GRIK2: variants seen among roughly 807,000 people sequenced by gnomAD.
The protein encoded by GRIK2 is glutamate receptor ionotropic, kainate 2.
A neutral mutation model predicts 100.3 loss-of-function variants in GRIK2; 32 were observed. That is an observed-to-expected ratio of 0.32 (90% CI 0.24 to 0.43). The LOEUF is 0.43. GRIK2 is among the 20% of genes least tolerant of loss of function. The pLI is 1.00. For synonymous variants in GRIK2, 417 were observed against 389.4 expected (o/e 1.07, Z -0.83); for missense variants, 843 against 1,114.9 (o/e 0.76, Z 3.47).
intron 7 of GRIK2, among the ~76,000 whole-genome samples, chr6:101,790,345 G>C (rs1779753132): frequency 6.6e-6 from 1 of 152,092 alleles, no homozygotes; most frequent in Non-Finnish European, 1.5e-5. Context: ...CTGTGGGTTT[G>C]TCATAGATAG....
chr6:101,863,285 A>G (rs1175358320), intron 11 of GRIK2, among the ~76,000 whole-genome samples: 1 of 152,206 alleles, frequency 6.6e-6, no homozygotes, highest in African/African-American at 2.4e-5. Flanking sequence ...ATTACAGTAT[A>G]TAATTTCAAG....
chr6:101,760,544 T>C (rs1225820171), intron 7 of GRIK2, among the ~76,000 whole-genome samples: 7 of 91,366 alleles, frequency 7.7e-5, no homozygotes, highest in African/African-American at 3.5e-4. Flanking sequence ...TTTAATTATA[T>C]ATTTATTATA....
chr6:101,900,651 TTA>T (rs1787786681), intron 12 of GRIK2, among the ~76,000 whole-genome samples: 1 of 152,082 alleles, frequency 6.6e-6, no homozygotes, highest in Non-Finnish European at 1.5e-5. Flanking sequence ...TCCAATTTAT[TTA>T]GTGGGGATGT....
rs192482614 is a variant in GRIK2 at position 101,547,652 on chromosome 6, T to C, written c.116-74297T>C. ...TGTCCCTACAAAGGACATGAACTCA[T>C]CATTTTTCATGGCTGCATAGTATTC... On this transcript the variant is annotated intron_variant, in intron 2 of 16. Transcript: ENST00000369134. Among the ~76,000 whole-genome samples the C allele has an allele frequency of 3.5e-4, 53 of 152,300 alleles. 1 individual carries two copies. Among genetic ancestry groups the C allele is most frequent in the African/African-American group, 1.2e-3 (48 of 41,572 alleles).
Position 101,994,490 on chromosome 6 carries a change from T to G in GRIK2, c.2086-40851T>G, listed in dbSNP as rs190689079. ...AAATGAACTAGCATTTTAAATACTTTTTTTATATCACAAAAATGACTGAAT... is the reference window on the plus strand; with the variant it reads ...AAATGAACTAGCATTTTAAATACTTGTTTTATATCACAAAAATGACTGAAT... On this transcript the variant is annotated intron_variant, in intron 14 of 16. Transcript: ENST00000369134. 3.6e-4 allele frequency among the ~76,000 whole-genome samples: 55 copies of G among 152,012 alleles called. No homozygotes were observed. The East Asian group carries it at 7.9e-3, about 22-fold the overall frequency.
At chr6:101,993,941 AC>A (rs1194006378) in intron 14 of GRIK2, 1 of 147,424 alleles carries the variant, frequency 6.8e-6, no homozygotes, top group Non-Finnish European at 1.5e-5. Flanking sequence ...ATGAATATAT[AC>A]ATTATAAACA....
intron 16 of GRIK2, among the ~76,000 whole-genome samples, chr6:102,067,889 AATG>A (rs1238254706): frequency 6.6e-6 from 1 of 151,894 alleles, no homozygotes; most frequent in Non-Finnish European, 1.5e-5. Context: ...TGAGATGTAC[AATG>A]AAGAATCAAT....
At chr6:101,713,059 GA>G (rs1773826137) in intron 7 of GRIK2, among the ~76,000 whole-genome samples, 1 of 151,708 alleles carries the variant, frequency 6.6e-6, no homozygotes, top group Admixed American at 6.6e-5. Context: ...TTGTCACAAA[GA>G]ATAAAGAATA....
At chr6:101,722,560 C>T (rs953457353) in intron 7 of GRIK2, among the ~76,000 whole-genome samples, 1 of 151,968 alleles carries the variant, frequency 6.6e-6, no homozygotes, top group African/African-American at 2.4e-5. Context: ...TTAATGAGCA[C>T]AAGATTAGTG....
At chr6:101,983,521 A>C (rs1449457301) in intron 14 of GRIK2, among the ~76,000 whole-genome samples, 1 of 151,824 alleles carries the variant, frequency 6.6e-6, no homozygotes, top group Admixed American at 6.6e-5. Flanking sequence ...TTACAAACAC[A>C]CTAATACATG....
intron 2 of GRIK2, among the ~76,000 whole-genome samples, chr6:101,444,194 C>T (rs1049568593): frequency 8.5e-5 from 13 of 152,058 alleles, no homozygotes; most frequent in Non-Finnish European, 2.9e-5. Flanking sequence ...GCTGAGATTA[C>T]AGGCATGTGC....
chr6:101,851,130 TA>T (rs1784105512), intron 10 of GRIK2, among the ~76,000 whole-genome samples: 1 of 152,050 alleles, frequency 6.6e-6, no homozygotes, highest in African/African-American at 2.4e-5. Flanking sequence ...AGACCACAAA[TA>T]TTTTTTTCTA....
intron 2 of GRIK2, among the ~76,000 whole-genome samples, chr6:101,517,554 A>C (rs547277572): frequency 6.6e-6 from 1 of 152,274 alleles, no homozygotes; most frequent in Admixed American, 6.5e-5. Context: ...AATAATAAAT[A>C]TAGTATTTAT....
chr6:101,762,750 T>C (rs1349212377), intron 7 of GRIK2, among the ~76,000 whole-genome samples: 2 of 152,234 alleles, frequency 1.3e-5, no homozygotes, highest in Non-Finnish European at 2.9e-5. Context: ...AGATGCTAAT[T>C]ACAGCTTTCT....
chr6:101,427,445 A>C (rs1769099585), intron 2 of GRIK2, among the ~76,000 whole-genome samples: 1 of 152,222 alleles, frequency 6.6e-6, no homozygotes, highest in African/African-American at 2.4e-5. Flanking sequence ...TGGTTACCTA[A>C]GTAGCTGGAA....
Position 101,930,885 on chromosome 6 carries a change from C to T in GRIK2, c.2085+2253C>T, listed in dbSNP as rs530381808. 9.2e-5 allele frequency among the ~76,000 whole-genome samples: 14 copies of T among 152,126 alleles called. No homozygotes were observed. The South Asian group carries it at 2.5e-3, about 27-fold the overall frequency. ...CTCTAGCACCTTGAGAAAGTCGACACGACACAGCTTTCTATTTCCAACAGC... is the reference window on the plus strand; with the variant it reads ...CTCTAGCACCTTGAGAAAGTCGACATGACACAGCTTTCTATTTCCAACAGC... On this transcript the variant is annotated intron_variant, in intron 14 of 16. Coordinates refer to ENST00000369134, the MANE Select transcript of GRIK2 (RefSeq NM_021956.5).
chr6:101,865,004 A>G (rs1784961614), intron 11 of GRIK2, among the ~76,000 whole-genome samples: 1 of 152,174 alleles, frequency 6.6e-6, no homozygotes, highest in Non-Finnish European at 1.5e-5. Context: ...ATAATTAACC[A>G]TTTGATGTAG....
chr6:101,422,747 A>T (rs922649954), intron 2 of GRIK2, among the ~76,000 whole-genome samples: 4 of 152,134 alleles, frequency 2.6e-5, no homozygotes, highest in African/African-American at 9.7e-5. Context: ...ATATTTTCTT[A>T]ACATTGAAAA....
intron 4 of GRIK2, among the ~76,000 whole-genome samples, chr6:101,674,256 TTGG>T (rs1770661014): frequency 6.6e-6 from 1 of 152,134 alleles, no homozygotes; most frequent in Admixed American, 6.6e-5. Flanking sequence ...TCTGGGAAGA[TTGG>T]TTAAAATATG....
Sources: gnomAD v4.1 joint callset for allele counts (sites outside exome capture counted in the v4.1 genomes callset) on GRCh38, gnomAD v4.1.1 for gene constraint, MANE v1.5 for transcripts, NCBI Gene and HGNC (gene_info 2026-07-23, HGNC 2026-07-21) for gene names.